The following ZFP64 variants were observed in gnomAD, a reference collection of about 807,000 sequenced individuals.
The protein encoded by ZFP64 is zinc finger protein 64.
In ZFP64, 14 loss-of-function variants were observed where a neutral mutation model predicts 51.6. The ratio of observed to expected loss-of-function variants is 0.27; its 90% CI spans 0.18 to 0.42. ZFP64 has a LOEUF of 0.42. Among genes scored for constraint, ZFP64 ranks in the 10% least tolerant of loss-of-function variants. The pLI is 1.00. For missense variants in ZFP64, 754 were observed against 906.8 expected (o/e 0.83, Z 2.16); for synonymous variants, 375 against 361.4 (o/e 1.04, Z -0.43).
rs760902690 is a variant in ZFP64 at position 52,085,174 on chromosome 20, G to A, written c.1321C>T (p.Pro441Ser). ...ACGTCGCAGAACTCGCACTTGAAAG[G>A]CTTCTCCCCCGAGTGCACGATCATG... The change falls in exon 9 of 9, where the codon CCT becomes TCT. Residue 441 changes from proline (P) to serine (S), a missense_variant. By Grantham distance (74) the Pro-to-Ser change is moderately conservative. Transcript: ENST00000361387. This position sits in a 1 kb window ranked among gnomAD's most constrained non-coding sequence, Gnocchi z 4.3. 5.6e-6 allele frequency: 9 copies of A among 1,614,224 alleles called. No homozygotes were observed.
intron 5 of ZFP64, among the ~76,000 whole-genome samples, chr20:52,101,227 A>G (rs1379759582): frequency 1.3e-5 from 2 of 152,252 alleles, no homozygotes; most frequent in Non-Finnish European, 2.9e-5. Flanking sequence ...GTTTCTTCCA[A>G]GTGTAATCCT....
At position 52,112,082 on chromosome 20, in the gene ZFP64, CAA is replaced by C. The variant is rs375422075; in HGVS notation, c.764-13497_764-13496del. Among the ~76,000 whole-genome samples the C allele has an allele frequency of 7.5e-3, 589 of 78,336 alleles. 4 individuals are homozygous for C. The highest frequency in any genetic ancestry group is 0.025 in the African/African-American group (503 of 20,306). The allele number at this position is 78,336 out of a possible 152,430, so 51.4% of individuals were successfully genotyped here. A position where few individuals can be genotyped will look rare whatever the true frequency, so the allele number is the denominator to read the frequency against. ...GGGCAACAGAGCGAGACTCTATCTCCAAAAAAAAAAAAAAAAAACAAAAAAAA... is the reference window on the plus strand; with the variant it reads ...GGGCAACAGAGCGAGACTCTATCTCCAAAAAAAAAAAAAAAACAAAAAAAA... On this transcript the variant is annotated intron_variant, in intron 5 of 8. Transcript: ENST00000361387.
At chr20:52,176,410 G>C (rs1240113307) in intron 2 of ZFP64, among the ~76,000 whole-genome samples, 1 of 151,964 alleles carries the variant, frequency 6.6e-6, no homozygotes, top group African/African-American at 2.4e-5. Flanking sequence ...TTCTGGGTGG[G>C]GCCGAGACTC....
chr20:52,110,256 C>A, intron 5 of ZFP64: 1 of 310,234 alleles, frequency 3.2e-6, no homozygotes, highest in Middle Eastern at 9.2e-4. Context: ...CCCACCAACC[C>A]CTTATATTTC....
intron 7 of ZFP64, among the ~76,000 whole-genome samples, chr20:52,094,727 G>A (rs573292623): frequency 4.6e-5 from 7 of 151,260 alleles, no homozygotes; most frequent in South Asian, 4.2e-4. Context: ...AGCAAGAGAA[G>A]ACCCTGTCTC....
Position 52,152,425 on chromosome 20 carries a change from C to G in ZFP64, c.1767G>C (p.Thr589=). The G allele has an allele frequency of 6.2e-7, 1 of 1,614,116 alleles. No homozygotes were observed. The highest frequency in any genetic ancestry group is 8.5e-7 in the Non-Finnish European group (1 of 1,180,026). ...GATLHQTLIP[T]ASGGPQEGSG... ...AGCCTTCCTGGGGGCCACCTGAGGC[C>G]GTGGGGATGAGAGTCTGGTGCAGAG... Residue 589 remains threonine (T), a synonymous_variant, in exon 6 of 6, where the codon ACG becomes ACC. Transcript: ENST00000216923.
chr20:52,129,094 T>TTTC (rs1042931463), intron 5 of ZFP64, among the ~76,000 whole-genome samples: 1 of 150,484 alleles, frequency 6.6e-6, no homozygotes, highest in Non-Finnish European at 1.5e-5. Context: ...TTTTTTTTTT[T>TTTC]TTCTTGAGAT....
At chr20:52,129,818 G>T (rs1979635165) in intron 5 of ZFP64, among the ~76,000 whole-genome samples, 1 of 152,176 alleles carries the variant, frequency 6.6e-6, no homozygotes. Flanking sequence ...CTCCCAGGGG[G>T]CAGGGATCCT....
intron 5 of ZFP64, among the ~76,000 whole-genome samples, chr20:52,158,992 C>T (rs1028339342): frequency 2.0e-4 from 30 of 152,174 alleles, no homozygotes; most frequent in African/African-American, 7.2e-4. Flanking sequence ...ATGAGAGATG[C>T]ACAGAACAGA....
chr20:52,147,740 C>G (rs952565242), downstream of ZFP64, among the ~76,000 whole-genome samples: 2 of 152,138 alleles, frequency 1.3e-5, no homozygotes, highest in East Asian at 3.9e-4. Context: ...CAGGACCGGG[C>G]ACCGTGGCTC....
intron 5 of ZFP64, among the ~76,000 whole-genome samples, chr20:52,126,897 G>A (rs1048932878): frequency 4.1e-5 from 6 of 148,130 alleles, no homozygotes; most frequent in Admixed American, 1.4e-4. Flanking sequence ...TAGGTTTTCC[G>A]TCAGTGGAAA....
chr20:52,099,085 A>G (rs1281803723), intron 5 of ZFP64, among the ~76,000 whole-genome samples: 1 of 152,076 alleles, frequency 6.6e-6, no homozygotes, highest in Admixed American at 6.6e-5. Context: ...TCCAAGAAGT[A>G]CAGGGGACAG....
intron 8 of ZFP64, among the ~76,000 whole-genome samples, chr20:52,087,474 C>T (rs2078876599): frequency 6.6e-6 from 1 of 152,184 alleles, no homozygotes; most frequent in African/African-American, 2.4e-5. Flanking sequence ...ACATTTCTGC[C>T]AGTGGGTAGA....
At position 52,160,811 on chromosome 20, in the gene ZFP64, C is replaced by T. The variant is rs1228305091; in HGVS notation, c.512-437G>A. Among the ~76,000 whole-genome samples, 1 of 152,154 alleles carries T rather than the reference C, an allele frequency of 6.6e-6. No individual in the cohort carries two copies. The highest frequency in any genetic ancestry group is 1.5e-5 in the Non-Finnish European group (1 of 68,036). Reference sequence around the variant, plus strand: ...AGGGAAAGATTACACTTCTCAGCCTCGCCTGCAGCTAGCTGTGATCTGTGA... The same window carrying T: ...AGGGAAAGATTACACTTCTCAGCCTTGCCTGCAGCTAGCTGTGATCTGTGA... On this transcript the variant is annotated intron_variant, in intron 4 of 5. Coordinates refer to ENST00000216923, the MANE Select transcript of ZFP64 (RefSeq NM_018197.3). The surrounding 1 kb of genome is among the most constrained non-coding windows in gnomAD (Gnocchi z 4.2).
intron 5 of ZFP64, among the ~76,000 whole-genome samples, chr20:52,120,874 G>A (rs767272989): frequency 3.3e-5 from 5 of 151,638 alleles, no homozygotes; most frequent in African/African-American, 9.7e-5. Context: ...ATGGGGTTTC[G>A]CCATGTTGGC....
chr20:52,189,063 C>G (rs1984183954), intron 1 of ZFP64, among the ~76,000 whole-genome samples: 2 of 152,124 alleles, frequency 1.3e-5, no homozygotes, highest in South Asian at 4.1e-4. Context: ...ATTTCCATCT[C>G]TGCCTACCAT....
At chr20:52,128,772 T>C (rs891666591) in intron 5 of ZFP64, among the ~76,000 whole-genome samples, 3 of 152,228 alleles carry the variant, frequency 2.0e-5, no homozygotes, top group African/African-American at 4.8e-5. Flanking sequence ...CCACAGTCTT[T>C]ACCACTTTCA....
chr20:52,125,787 A>T (rs1979418368), intron 5 of ZFP64, among the ~76,000 whole-genome samples: 1 of 152,170 alleles, frequency 6.6e-6, no homozygotes, highest in East Asian at 1.9e-4. Context: ...TTAACACAAG[A>T]TACACTGGGA....
At chr20:52,117,908 G>A (rs1978963554) in intron 5 of ZFP64, among the ~76,000 whole-genome samples, 1 of 151,940 alleles carries the variant, frequency 6.6e-6, no homozygotes, top group South Asian at 2.1e-4. Flanking sequence ...CCATCCTCCT[G>A]CCTCAGCTTC....
Sources: gnomAD v4.1 joint callset for allele counts (sites outside exome capture counted in the v4.1 genomes callset) on GRCh38, gnomAD v4.1.1 for gene constraint, Gnocchi (gnomAD v3.1) non-coding constraint, MANE v1.5 for transcripts, NCBI Gene and HGNC (gene_info 2026-07-23, HGNC 2026-07-21) for gene names.